Variants in SCHIP1 observed in about 807,000 individuals in gnomAD.
SCHIP1 encodes schwannomin interacting protein 1.
A neutral mutation model predicts 29.7 loss-of-function variants in SCHIP1; 8 were observed. The observed-to-expected ratio is 0.27, with a 90% CI of 0.16 to 0.49. SCHIP1 has a LOEUF of 0.49. Among genes scored for constraint, SCHIP1 ranks in the 20% least tolerant of loss-of-function variants. The pLI is 0.99. For missense variants in SCHIP1, 193 were observed against 294.6 expected, an observed-to-expected ratio of 0.66 and a Z score of 2.52; for synonymous variants, 76 against 94.9, an observed-to-expected ratio of 0.80 and a Z score of 1.16.
the SCHIP1 span, among the ~76,000 whole-genome samples, chr3:159,530,628 G>T: frequency 6.6e-6 from 1 of 152,160 alleles, no homozygotes; most frequent in African/African-American, 2.4e-5. Flanking sequence ...TTTGACCTTC[G>T]CTCTACCCTG....
At chr3:159,331,127 G>A in the SCHIP1 span, among the ~76,000 whole-genome samples, 1 of 152,156 alleles carries the variant, frequency 6.6e-6, no homozygotes, top group Non-Finnish European at 1.5e-5. Flanking sequence ...GTAGGGGAGG[G>A]AAGATGTGAT....
At chr3:159,389,619 TGGAACAA>T in the SCHIP1 span, among the ~76,000 whole-genome samples, 1 of 152,034 alleles carries the variant, frequency 6.6e-6, no homozygotes, top group East Asian at 1.9e-4. Context: ...TAGAAAAAAA[TGGAACAA>T]TAATGTTGCA....
At chr3:159,430,160 T>C in the SCHIP1 span, among the ~76,000 whole-genome samples, 15 of 152,298 alleles carry the variant, frequency 9.8e-5, no homozygotes, top group African/African-American at 3.6e-4. Context: ...TGTTTGTGAT[T>C]AGAAATGGGC....
At chr3:159,701,411 G>T in the SCHIP1 span, among the ~76,000 whole-genome samples, 20 of 152,032 alleles carry the variant, frequency 1.3e-4, no homozygotes, top group Non-Finnish European at 2.6e-4. Context: ...TAAACCATGA[G>T]TTTTTAGGTG....
At chr3:159,512,026 C>T in the SCHIP1 span, among the ~76,000 whole-genome samples, 1 of 151,998 alleles carries the variant, frequency 6.6e-6, no homozygotes, top group African/African-American at 2.4e-5. Context: ...TTCTGGGCTT[C>T]AAAAGCATCA....
the SCHIP1 span, among the ~76,000 whole-genome samples, chr3:159,515,993 G>C: frequency 6.6e-6 from 1 of 151,156 alleles, no homozygotes; most frequent in Non-Finnish European, 1.5e-5. Context: ...TAAAGAATTG[G>C]GGGGGAATTT....
the SCHIP1 span, among the ~76,000 whole-genome samples, chr3:159,772,800 G>C: frequency 6.6e-6 from 1 of 152,080 alleles, no homozygotes; most frequent in African/African-American, 2.4e-5. Flanking sequence ...GAGTACAGTG[G>C]CGCAATCTCA....
At chr3:159,640,223 G>T in the SCHIP1 span, among the ~76,000 whole-genome samples, 1 of 152,124 alleles carries the variant, frequency 6.6e-6, no homozygotes, top group Non-Finnish European at 1.5e-5. Context: ...AGGCCCGTCT[G>T]CTCTTCCAGC....
the SCHIP1 span, among the ~76,000 whole-genome samples, chr3:159,455,856 G>A: frequency 1.3e-5 from 2 of 152,176 alleles, no homozygotes; most frequent in Non-Finnish European, 2.9e-5. Flanking sequence ...ATCCTGGGCT[G>A]GTGAGTAGTA....
the SCHIP1 span, among the ~76,000 whole-genome samples, chr3:159,416,641 A>C: frequency 2.0e-5 from 3 of 152,218 alleles, no homozygotes; most frequent in African/African-American, 7.2e-5. Context: ...ACATTCAATA[A>C]TTCATCAACA....
At chr3:159,605,180 A>T in the SCHIP1 span, among the ~76,000 whole-genome samples, 1 of 152,210 alleles carries the variant, frequency 6.6e-6, no homozygotes, top group Non-Finnish European at 1.5e-5. Context: ...TAAAAGGGCG[A>T]AGCATTAGAA....
chr3:159,398,058 G>A, the SCHIP1 span, among the ~76,000 whole-genome samples: 11 of 152,172 alleles, frequency 7.2e-5, no homozygotes, highest in Non-Finnish European at 1.2e-4. Flanking sequence ...TTGGAAAAGC[G>A]CAGTATTCAG....
the SCHIP1 span, among the ~76,000 whole-genome samples, chr3:159,577,242 A>T: frequency 7.9e-3 from 1,208 of 152,336 alleles, 13 homozygotes; most frequent in African/African-American, 0.028. Flanking sequence ...CCAAAGGAGA[A>T]AATAACAAAG....
At chr3:159,631,777 G>T in the SCHIP1 span, among the ~76,000 whole-genome samples, 18 of 151,978 alleles carry the variant, frequency 1.2e-4, no homozygotes, top group Admixed American at 6.6e-5. Context: ...AATGTATTTC[G>T]TGCCACTGAA....
chr3:159,300,015 C>T, the SCHIP1 span, among the ~76,000 whole-genome samples: 1 of 151,210 alleles, frequency 6.6e-6, no homozygotes, highest in African/African-American at 2.4e-5. Context: ...CAGAAGGTGA[C>T]TGTGGAGTGT....
At chr3:159,287,147 C>T in the SCHIP1 span, among the ~76,000 whole-genome samples, 2 of 151,918 alleles carry the variant, frequency 1.3e-5, no homozygotes, top group African/African-American at 4.8e-5. Context: ...TTTGCCAGGT[C>T]CTATGTTCAG....
the SCHIP1 span, chr3:159,764,876 T>C: frequency 6.4e-7 from 1 of 1,573,566 alleles, no homozygotes; most frequent in African/African-American, 1.4e-5. This position sits in a 1 kb window ranked among gnomAD's most constrained non-coding sequence, Gnocchi z 6.1. Context: ...AATGGCAACG[T>C]GGTGGTGGCT....
chr3:159,333,279 A>C, the SCHIP1 span, among the ~76,000 whole-genome samples: 3 of 152,198 alleles, frequency 2.0e-5, no homozygotes, highest in Non-Finnish European at 4.4e-5. Flanking sequence ...ATCCCTGATA[A>C]AAAATATAAG....
the SCHIP1 span, among the ~76,000 whole-genome samples, chr3:159,576,031 T>C: frequency 7.3e-3 from 1,115 of 152,310 alleles, 12 homozygotes; most frequent in Middle Eastern, 0.01. Flanking sequence ...TGGAAGTTCA[T>C]TCAGTAATTA....
Sources: allele counts gnomAD v4.1 joint callset (sites outside exome capture counted in the v4.1 genomes callset), GRCh38; gene constraint gnomAD v4.1.1; non-coding constraint Gnocchi (gnomAD v3.1); transcripts MANE v1.5; gene names NCBI Gene and HGNC (gene_info 2026-07-23, HGNC 2026-07-21).